The following RORA variants were observed in gnomAD, a reference collection of about 807,000 sequenced individuals.
The protein encoded by RORA is nuclear receptor ROR-alpha.
A neutral mutation model predicts 69.5 loss-of-function variants in RORA; 7 were observed. That is an observed-to-expected ratio of 0.10 (90% confidence interval 0.06 to 0.19). RORA has a LOEUF of 0.19. Among genes scored for constraint, RORA ranks in the 10% least tolerant of loss-of-function variants. The pLI, the probability that RORA is intolerant of heterozygous loss-of-function variation, is 1.00. For synonymous variants in RORA, 261 were observed against 240.8 expected (o/e 1.08, Z -0.78); for missense variants, 457 against 663.0 (o/e 0.69, Z 3.41).
chr15:60,722,336 C>T (rs532221147), intron 1 of RORA, among the ~76,000 whole-genome samples: 4 of 152,182 alleles, frequency 2.6e-5, no homozygotes, highest in Admixed American at 6.5e-5. Flanking sequence ...CAAAGATAAC[C>T]CCACAAATTA....
chr15:61,173,023 A>G (rs1411278144), intron 1 of RORA, among the ~76,000 whole-genome samples: 2 of 152,216 alleles, frequency 1.3e-5, no homozygotes, highest in African/African-American at 4.8e-5. Flanking sequence ...ACAGCTTAAT[A>G]TTGATAACAT....
chr15:61,084,468 A>C (rs531346462), intron 1 of RORA, among the ~76,000 whole-genome samples: 62 of 152,126 alleles, frequency 4.1e-4, no homozygotes, highest in Non-Finnish European at 7.1e-4. Context: ...AATTTATTTG[A>C]CCTTTTTCAG....
chr15:61,160,610 G>A (rs1326377971), intron 1 of RORA, among the ~76,000 whole-genome samples: 3 of 152,178 alleles, frequency 2.0e-5, no homozygotes, highest in African/African-American at 7.2e-5. Context: ...CATAGCTGGT[G>A]CTCAGTGCCT....
intron 1 of RORA, among the ~76,000 whole-genome samples, chr15:60,944,942 G>C (rs940128509): frequency 1.3e-5 from 2 of 152,276 alleles, no homozygotes; most frequent in African/African-American, 4.8e-5. Flanking sequence ...ACATATCAAG[G>C]TTTCCATAGG....
At chr15:60,865,296 C>T (rs1401254200) in intron 1 of RORA, among the ~76,000 whole-genome samples, 3 of 152,176 alleles carry the variant, frequency 2.0e-5, no homozygotes, top group African/African-American at 4.8e-5. Context: ...AGAAGTTGGT[C>T]TAGAAGATCT....
chr15:61,107,713 T>C (rs1481352512), intron 1 of RORA, among the ~76,000 whole-genome samples: 1 of 152,012 alleles, frequency 6.6e-6, no homozygotes, highest in Non-Finnish European at 1.5e-5. Context: ...TTTTGGCCCT[T>C]GAATAAAATT....
At chr15:60,578,440 T>C (rs1256553139) in intron 2 of RORA, among the ~76,000 whole-genome samples, 6 of 152,258 alleles carry the variant, frequency 3.9e-5, no homozygotes, top group Admixed American at 1.3e-4. Context: ...CAGTAAATAC[T>C]GTGAACTGTT....
intron 1 of RORA, among the ~76,000 whole-genome samples, chr15:60,955,483 A>G (rs756943353): frequency 1.3e-5 from 2 of 152,192 alleles, no homozygotes; most frequent in East Asian, 1.9e-4. Flanking sequence ...AAGACCTCCA[A>G]TTGTTGTCAT....
intron 1 of RORA, among the ~76,000 whole-genome samples, chr15:60,878,343 CAAAAAAAAAAAAA>C (rs35845582): frequency 1.5e-5 from 1 of 68,408 alleles, no homozygotes; most frequent in Non-Finnish European, 2.7e-5. Flanking sequence ...GACTCTGTCT[CAAAAAAAAAAAAA>C]AAAAAAAAAA....
At chr15:61,079,572 G>C (rs1256355771) in intron 1 of RORA, among the ~76,000 whole-genome samples, 1 of 152,108 alleles carries the variant, frequency 6.6e-6, no homozygotes, top group African/African-American at 2.4e-5. Flanking sequence ...CAGTTTCAGA[G>C]GAATTAGGTA....
chr15:60,915,848 T>C (rs1487632820), intron 1 of RORA, among the ~76,000 whole-genome samples: 2 of 152,298 alleles, frequency 1.3e-5, no homozygotes, highest in Admixed American at 1.3e-4. Context: ...AGTTTCTTCT[T>C]CTATAAAATG....
At chr15:60,754,580 C>T (rs1348507766) in intron 1 of RORA, among the ~76,000 whole-genome samples, 9 of 152,186 alleles carry the variant, frequency 5.9e-5, no homozygotes, top group Non-Finnish European at 7.3e-5. Flanking sequence ...CCAACTTTGA[C>T]GCCCTTCCCT....
chr15:61,004,972 T>C lies in RORA; in HGVS notation c.166+224081A>G, dbSNP rs77092509. 6.9e-3 allele frequency among the ~76,000 whole-genome samples: 1,045 copies of C among 152,324 alleles called. 12 individuals are homozygous for C. The highest frequency in any genetic ancestry group is 0.024 in the African/African-American group (1,005 of 41,560). ...AAAGTTGGAATAGAAATGAGTAGTC[T>C]TTCTGGAGTTAAATTAGGCAACATG... On this transcript the variant is annotated intron_variant, in intron 1 of 10. Coordinates refer to ENST00000335670, the MANE Select transcript of RORA (RefSeq NM_134261.3).
At chr15:60,645,718 T>C (rs1471769886) in intron 2 of RORA, among the ~76,000 whole-genome samples, 2 of 152,122 alleles carry the variant, frequency 1.3e-5, no homozygotes, top group African/African-American at 4.8e-5. Context: ...TAGAAGTCAT[T>C]TGTGTTAATG....
chr15:60,893,563 G>A (rs1595798002), intron 1 of RORA, among the ~76,000 whole-genome samples: 3 of 152,112 alleles, frequency 2.0e-5, no homozygotes, highest in Admixed American at 1.3e-4. Flanking sequence ...ATTTCCAAGT[G>A]GATTCCCTTG....
At chr15:60,546,612 T>A (rs1219117955) in intron 2 of RORA, 1 of 152,176 alleles carries the variant, frequency 6.6e-6, no homozygotes, top group Non-Finnish European at 1.5e-5. Flanking sequence ...TAAAATGGAA[T>A]AAAATGATAG....
chr15:61,104,485 T>G (rs1406900670), intron 1 of RORA, among the ~76,000 whole-genome samples: 1 of 152,210 alleles, frequency 6.6e-6, no homozygotes, highest in Non-Finnish European at 1.5e-5. Context: ...AGCTTTCATG[T>G]TTATCTTCAC....
chr15:61,156,861 A>T (rs2079448663), intron 1 of RORA, among the ~76,000 whole-genome samples: 1 of 152,178 alleles, frequency 6.6e-6, no homozygotes, highest in African/African-American at 2.4e-5. Context: ...CAGGTTGCAA[A>T]ATATGGCCAG....
At chr15:60,901,442 G>C (rs1008129028) in intron 1 of RORA, among the ~76,000 whole-genome samples, 1 of 152,190 alleles carries the variant, frequency 6.6e-6, no homozygotes, top group South Asian at 2.1e-4. Context: ...AAAGTGTTGG[G>C]ATTACAGGTG....
Sources: allele counts gnomAD v4.1 joint callset (sites outside exome capture counted in the v4.1 genomes callset), GRCh38; gene constraint gnomAD v4.1.1; transcripts MANE v1.5; gene names NCBI Gene and HGNC (gene_info 2026-07-23, HGNC 2026-07-21).